The following POLDIP3 variants were observed in gnomAD, a reference collection of about 807,000 sequenced individuals.
POLDIP3 encodes the protein polymerase delta-interacting protein 3.
A neutral mutation model predicts 45.1 loss-of-function variants in POLDIP3; 14 were observed. The observed-to-expected ratio is 0.31, with a 90% CI of 0.20 to 0.49. The LOEUF (loss-of-function observed/expected upper bound fraction) is 0.49, where lower values mean the gene tolerates loss of function less well. Ranked by LOEUF, POLDIP3 falls within the 20% of genes least tolerant of loss-of-function variation. POLDIP3 has a pLI of 0.99. For missense variants in POLDIP3, 511 were observed against 538.8 expected (o/e 0.95, Z 0.51); for synonymous variants, 223 against 205.2 (o/e 1.09, Z -0.74).
intron 1 of POLDIP3, among the ~76,000 whole-genome samples, chr22:42,609,716 G>A (rs922529569): frequency 6.6e-5 from 10 of 150,900 alleles, no homozygotes; most frequent in East Asian, 2.0e-4. Context: ...GCAAGATTCC[G>A]TCTTATAAAA....
chr22:42,586,475 A>G (rs1197223765), intron 8 of POLDIP3, among the ~76,000 whole-genome samples: 1 of 152,062 alleles, frequency 6.6e-6, no homozygotes, highest in Non-Finnish European at 1.5e-5. Context: ...CTATAGGTGC[A>G]TGCCACCACA....
In POLDIP3 at chr22:42,610,211, C is replaced by T. The variant is rs968148747; in HGVS notation, c.59+4588G>A. ...AATAAAATAAAATACTATCCCCTTACCCAAGAGTCTTGTGCAGATGTTTCA... is the reference window on the plus strand; with the variant it reads ...AATAAAATAAAATACTATCCCCTTATCCAAGAGTCTTGTGCAGATGTTTCA... On this transcript the variant is annotated intron_variant, in intron 1 of 8. Transcript: ENST00000252115. Among the ~76,000 whole-genome samples the T allele has an allele frequency of 2.0e-5, 3 of 152,282 alleles. No homozygotes were observed. The South Asian group carries it at 6.2e-4, about 32-fold the overall frequency.
chr22:42,592,103 G>C lies in POLDIP3; in HGVS notation c.892-19C>G. The stretch of plus-strand genomic sequence containing the variant: ...AAAGCTCCTGCACACAACAAGAGGG[G>C]TTGGGATTGGGGAAGGATTTCTCAG... On this transcript the variant is annotated intron_variant, in intron 6 of 8. Coordinates refer to ENST00000252115, the MANE Select transcript of POLDIP3 (RefSeq NM_032311.5). The C allele has an allele frequency of 6.2e-7, 1 of 1,613,820 alleles. No individual in the cohort carries two copies. The highest frequency in any genetic ancestry group is 8.5e-7 in the Non-Finnish European group (1 of 1,179,734).
At chr22:42,600,419 G>A (rs1238904913) in intron 3 of POLDIP3, among the ~76,000 whole-genome samples, 2 of 151,788 alleles carry the variant, frequency 1.3e-5, no homozygotes, top group African/African-American at 2.4e-5. Flanking sequence ...GAGGTCAGGA[G>A]ATCGAGATCA....
Position 42,611,454 on chromosome 22 carries a change from G to A in POLDIP3, c.59+3345C>T, listed in dbSNP as rs1388669759. Among the ~76,000 whole-genome samples the A allele has an allele frequency of 2.0e-5, 3 of 152,154 alleles. No individual in the cohort carries two copies. In the East Asian group the frequency reaches 5.8e-4, roughly 29 times the overall value. On this transcript the variant is annotated intron_variant, in intron 1 of 8. Transcript: ENST00000252115. ...AGTGAGCAGAGTGGTGGGGAAAGAGGTTATTTACACTTCCACAAGCTGGAT... is the reference window on the plus strand; with the variant it reads ...AGTGAGCAGAGTGGTGGGGAAAGAGATTATTTACACTTCCACAAGCTGGAT...
intron 1 of POLDIP3, among the ~76,000 whole-genome samples, chr22:42,606,075 G>A (rs573543200): frequency 8.5e-5 from 13 of 152,262 alleles, no homozygotes; most frequent in Non-Finnish European, 1.9e-4. Context: ...CCAGGAGATG[G>A]AGGTTACAGC....
At chr22:42,599,841 C>G (rs780066879) in intron 3 of POLDIP3, 48 bp from the exon 4 acceptor site, 1 of 1,371,126 alleles carries the variant, frequency 7.3e-7, no homozygotes. Context: ...CATCTGGGCC[C>G]TCAACAGACA....
rs1271068285 is a variant in POLDIP3 at position 42,596,268 on chromosome 22, G to C, written c.731C>G (p.Ser244Cys). Residue 244 changes from serine to cysteine, a missense_variant, in exon 5 of 9, where the codon TCT becomes TGT. Physicochemically the swap from Ser to Cys is moderately radical, Grantham distance 112. Transcript: ENST00000252115. ...DAYTAPALPS[S>C]IRTKALTNMS... ...GTTGGTCAAGGCTTTTGTTCGAATA[G>C]AGGAAGGGAGAGCAGGAGCTGTGTA... 6.2e-7 allele frequency: 1 copy of C among 1,614,220 alleles called. No individual in the cohort carries two copies. The highest frequency in any genetic ancestry group is 8.5e-7 in the Non-Finnish European group (1 of 1,180,020).
Position 42,592,048 on chromosome 22 carries a change from G to C in POLDIP3, c.928C>G (p.Arg310Gly). ...FCVCGALKRARLVHPGVAEVV... is the reference protein window; with the variant it reads ...FCVCGALKRAGLVHPGVAEVV... ...TCCGCTACCCCAGGATGGACCAGTC[G>C]AGCTCGCTTGAGGGCCCCACACACA... is the stretch of plus-strand genomic sequence containing the variant. Residue 310 changes from arginine to glycine, a missense_variant, in exon 7 of 9, where the codon CGA (arginine) becomes GGA (glycine). By Grantham distance (125) the Arg-to-Gly change is moderately radical. Transcript: ENST00000252115. The C allele has an allele frequency of 6.2e-7, 1 of 1,614,196 alleles. No homozygotes were observed. Among genetic ancestry groups the C allele is most frequent in the Non-Finnish European group, 8.5e-7 (1 of 1,180,032 alleles).
intron 7 of POLDIP3, among the ~76,000 whole-genome samples, chr22:42,589,597 G>A (rs768852408): frequency 6.6e-6 from 1 of 152,014 alleles, no homozygotes; most frequent in Non-Finnish European, 1.5e-5. Flanking sequence ...ATCACTTGAG[G>A]TCAGGACTTC....
intron 3 of POLDIP3, among the ~76,000 whole-genome samples, chr22:42,600,282 G>A (rs1251482739): frequency 1.3e-5 from 2 of 152,226 alleles, no homozygotes; most frequent in Non-Finnish European, 2.9e-5. Context: ...AAATGTCACA[G>A]AGAAATGCTT....
At chr22:42,604,789 T>C (rs1926615830) in intron 1 of POLDIP3, among the ~76,000 whole-genome samples, 1 of 152,196 alleles carries the variant, frequency 6.6e-6, no homozygotes, top group Admixed American at 6.5e-5. Flanking sequence ...CTGCCTCCAA[T>C]ATGCCAGTAC....
chr22:42,603,374 G>A (rs1926523550), intron 1 of POLDIP3, among the ~76,000 whole-genome samples: 1 of 152,206 alleles, frequency 6.6e-6, no homozygotes, highest in Admixed American at 6.5e-5. Context: ...AAAATTAAGA[G>A]AGAGGGGCTG....
intron 8 of POLDIP3, among the ~76,000 whole-genome samples, chr22:42,586,376 C>T (rs1925314151): frequency 6.6e-6 from 1 of 152,018 alleles, no homozygotes; most frequent in African/African-American, 2.4e-5. Context: ...GTCACCCAGG[C>T]TGAAGTGCAG....
intron 4 of POLDIP3, 69 bp from the exon 5 acceptor site, chr22:42,596,434 T>G: frequency 1.4e-6 from 2 of 1,469,844 alleles, no homozygotes; most frequent in South Asian, 1.3e-5. Flanking sequence ...CCCAAGAGGT[T>G]GACAACTTGC....
At chr22:42,593,383 G>C (rs2146807917) in intron 6 of POLDIP3, among the ~76,000 whole-genome samples, 1 of 152,268 alleles carries the variant, frequency 6.6e-6, no homozygotes, top group Non-Finnish European at 1.5e-5. Context: ...ATTATTACTA[G>C]CAATTTCCCC....
chr22:42,614,165 C>T (rs1927308382), intron 1 of POLDIP3, among the ~76,000 whole-genome samples: 1 of 152,210 alleles, frequency 6.6e-6, no homozygotes, highest in Admixed American at 6.5e-5. Context: ...GCAAGTCACT[C>T]TACCACTTCC....
chr22:42,612,833 C>T (rs1379989777), intron 1 of POLDIP3, among the ~76,000 whole-genome samples: 1 of 150,714 alleles, frequency 6.6e-6, no homozygotes, highest in East Asian at 1.9e-4. Flanking sequence ...CTCAAAAAAA[C>T]AAACAAAAAA....
At chr22:42,596,791 A>G (rs1405969971) in intron 4 of POLDIP3, among the ~76,000 whole-genome samples, 1 of 152,168 alleles carries the variant, frequency 6.6e-6, no homozygotes, top group East Asian at 1.9e-4. Flanking sequence ...GGCTGAGGTG[A>G]GAGGACTGCT....
Sources: gnomAD v4.1 joint callset for allele counts (sites outside exome capture counted in the v4.1 genomes callset) on GRCh38, gnomAD v4.1.1 for gene constraint, MANE v1.5 for transcripts, NCBI Gene and HGNC (gene_info 2026-07-23, HGNC 2026-07-21) for gene names.